Variants in PRELID2 observed in about 807,000 individuals in gnomAD.
PRELID2 encodes PRELI domain containing 2, also known as PRELI domain-containing protein 2.
PRELID2 carries 25 observed loss-of-function variants against 28.4 expected under a neutral mutation model. The ratio of observed to expected loss-of-function variants is 0.88; its 90% confidence interval spans 0.64 to 1.23. The LOEUF is 1.23. Ranked by LOEUF, PRELID2 falls within the 50% of genes most tolerant of loss-of-function variation. The probability of loss-of-function intolerance (pLI) is 0.00; values close to 1 mark genes in which losing one functional copy is unlikely to be tolerated. For synonymous variants in PRELID2, 76 were observed against 71.6 expected (o/e 1.06, Z -0.31); for missense variants, 201 against 214.4 (o/e 0.94, Z 0.39).
chr5:145,427,055 T>A, the PRELID2 span, among the ~76,000 whole-genome samples: 1 of 152,208 alleles, frequency 6.6e-6, no homozygotes. Flanking sequence ...CTGACCTACT[T>A]TAGAATCAAT....
At chr5:145,290,505 A>T in the PRELID2 span, among the ~76,000 whole-genome samples, 4 of 151,920 alleles carry the variant, frequency 2.6e-5, no homozygotes, top group African/African-American at 9.7e-5. Flanking sequence ...CAAGGACAGA[A>T]AACCAAACAC....
At chr5:145,742,324 A>T (rs1203987688) in intron 1 of PRELID2, among the ~76,000 whole-genome samples, 5 of 48,804 alleles carry the variant, frequency 1.0e-4, no homozygotes, top group African/African-American at 1.8e-4. Flanking sequence ...ATAAAAATAG[A>T]TATATTTTTT....
intron 1 of PRELID2, among the ~76,000 whole-genome samples, chr5:145,525,223 T>C (rs1298674167): frequency 2.6e-5 from 4 of 152,156 alleles, no homozygotes; most frequent in Non-Finnish European, 5.9e-5. Context: ...GAAATAGAAC[T>C]CAGACTAAAT....
At chr5:145,350,422 T>C in the PRELID2 span, among the ~76,000 whole-genome samples, 1 of 151,872 alleles carries the variant, frequency 6.6e-6, no homozygotes, top group African/African-American at 2.4e-5. Context: ...CACACAAAGT[T>C]TAGGGGAAAC....
the PRELID2 span, among the ~76,000 whole-genome samples, chr5:145,437,713 C>A: frequency 6.6e-6 from 1 of 152,056 alleles, no homozygotes; most frequent in African/African-American, 2.4e-5. Context: ...GAGTTTTGCA[C>A]GGAGGCCCTT....
rs1296490234 is a variant in PRELID2, at chr5:145,627,128, AAAAAAAAAAAAAAAAAAAT to A, written n.70+137784_70+137802del. The stretch of plus-strand genomic sequence containing the variant: ...AAAAAAAAAAAAAAAAAAAAAAAAA[AAAAAAAAAAAAAAAAAAAT>A]TTGTGTATATATACCGTGGAATACA... On this transcript the variant is annotated intron_variant and non_coding_transcript_variant, in intron 1 of 2. Coordinates refer to the PRELID2 transcript ENST00000510259. Among the ~76,000 whole-genome samples the A allele has an allele frequency of 5.3e-4, 61 of 114,392 alleles. 6 individuals carry two copies. The highest frequency in any genetic ancestry group is 1.8e-3 in the African/African-American group (52 of 28,186). 75.0% of individuals were successfully genotyped at this position (114,392 alleles called of 152,430 possible).
chr5:145,434,798 A>C, the PRELID2 span, among the ~76,000 whole-genome samples: 1 of 152,182 alleles, frequency 6.6e-6, no homozygotes, highest in East Asian at 1.9e-4. Context: ...AAAGTTTCTA[A>C]CCTCAGGCAA....
At chr5:145,586,223 T>A (rs1252406990) in intron 1 of PRELID2, among the ~76,000 whole-genome samples, 1 of 152,096 alleles carries the variant, frequency 6.6e-6, no homozygotes, top group Non-Finnish European at 1.5e-5. Flanking sequence ...GAAATGCCCT[T>A]TATTGCTGTA....
the PRELID2 span, among the ~76,000 whole-genome samples, chr5:145,376,370 G>T: frequency 6.6e-6 from 1 of 152,030 alleles, no homozygotes; most frequent in South Asian, 2.1e-4. Context: ...TTTCTGTTAT[G>T]TCTTTGCCAG....
At chr5:145,657,292 CA>C (rs1008708005) in intron 1 of PRELID2, among the ~76,000 whole-genome samples, 14 of 151,974 alleles carry the variant, frequency 9.2e-5, no homozygotes, top group African/African-American at 1.9e-4. Flanking sequence ...AATAGAAAAT[CA>C]ACGTGAGAAG....
At chr5:145,459,691 AAAAAG>A in the PRELID2 span, among the ~76,000 whole-genome samples, 2 of 152,152 alleles carry the variant, frequency 1.3e-5, no homozygotes, top group African/African-American at 4.8e-5. Flanking sequence ...TGATTGAAAC[AAAAAG>A]AAAAGGCATA....
chr5:145,635,586 C>G (rs1039145737), intron 1 of PRELID2, among the ~76,000 whole-genome samples: 1 of 152,214 alleles, frequency 6.6e-6, no homozygotes, highest in African/African-American at 2.4e-5. Context: ...AAATGGCACT[C>G]AAGCCTGTCT....
At chr5:145,422,555 C>A in the PRELID2 span, among the ~76,000 whole-genome samples, 2 of 151,778 alleles carry the variant, frequency 1.3e-5, no homozygotes, top group African/African-American at 4.9e-5. Flanking sequence ...AGGATTGCAA[C>A]CCCTGCCTTT....
At chr5:145,342,168 A>G in the PRELID2 span, among the ~76,000 whole-genome samples, 1 of 152,238 alleles carries the variant, frequency 6.6e-6, no homozygotes, top group Non-Finnish European at 1.5e-5. Context: ...ATTATCCTTC[A>G]TGAATGCAGA....
At chr5:145,423,913 T>C in the PRELID2 span, among the ~76,000 whole-genome samples, 1 of 149,232 alleles carries the variant, frequency 6.7e-6, no homozygotes, top group African/African-American at 2.5e-5. Flanking sequence ...GATGGGTTTT[T>C]GGTGTGGATG....
At chr5:145,634,866 A>G (rs753382795) in intron 1 of PRELID2, among the ~76,000 whole-genome samples, 4 of 152,136 alleles carry the variant, frequency 2.6e-5, no homozygotes, top group Admixed American at 6.6e-5. Flanking sequence ...CTAAAATTTT[A>G]TTTGCGTATT....
intron 5 of PRELID2, among the ~76,000 whole-genome samples, chr5:145,783,552 A>G (rs1170132364): frequency 1.3e-5 from 2 of 152,242 alleles, no homozygotes; most frequent in Non-Finnish European, 1.5e-5. Flanking sequence ...CAGGACAGCT[A>G]ATGAATAAAT....
the PRELID2 span, among the ~76,000 whole-genome samples, chr5:145,273,550 C>T: frequency 6.6e-6 from 1 of 152,070 alleles, no homozygotes; most frequent in Non-Finnish European, 1.5e-5. Context: ...TTGGGTGTGA[C>T]TCATAAATCA....
chr5:145,694,719 T>C (rs1343146689), intron 1 of PRELID2, among the ~76,000 whole-genome samples: 1 of 151,972 alleles, frequency 6.6e-6, no homozygotes, highest in Non-Finnish European at 1.5e-5. Context: ...ATATTTTTAG[T>C]GACTACTGTG....
Sources: gnomAD v4.1 joint callset for allele counts (sites outside exome capture counted in the v4.1 genomes callset) on GRCh38, gnomAD v4.1.1 for gene constraint, MANE v1.5 for transcripts, NCBI Gene and HGNC (gene_info 2026-07-23, HGNC 2026-07-21) for gene names.